The following NCOR1 variants were observed in gnomAD, a reference collection of about 807,000 sequenced individuals.
NCOR1 encodes the protein protein phosphatase 1, regulatory subunit 109.
Under a neutral mutation model 288.1 loss-of-function variants are expected in NCOR1, and 63 were observed. The observed-to-expected ratio is 0.22, with a 90% CI of 0.18 to 0.27. NCOR1 has a LOEUF of 0.27. Ranked by LOEUF, NCOR1 falls within the 10% of genes least tolerant of loss-of-function variation. The pLI, the probability that NCOR1 is intolerant of heterozygous loss-of-function variation, is 1.00. For synonymous variants in NCOR1, 1,007 were observed against 1,065.9 expected, an observed-to-expected ratio of 0.94 and a Z score of 1.08; for missense variants, 2,397 against 3,019.2, an observed-to-expected ratio of 0.79 and a Z score of 4.83.
intron 40 of NCOR1, among the ~76,000 whole-genome samples, chr17:16,055,006 T>C (rs751823202): frequency 2.0e-5 from 3 of 152,060 alleles, no homozygotes; most frequent in Non-Finnish European, 4.4e-5. Context: ...AGAATGGCTA[T>C]TAAAAAGTGA....
intron 44 of NCOR1, among the ~76,000 whole-genome samples, chr17:16,036,180 A>C (rs1172683757): frequency 6.6e-6 from 1 of 152,254 alleles, no homozygotes; most frequent in African/African-American, 2.4e-5. Context: ...GCATGAAAAC[A>C]ACATTCATCT....
At position 16,092,647 on chromosome 17, in the gene NCOR1, TTATATATATATATATA is replaced by T. The variant is rs10592611; in HGVS notation, c.2821-605_2821-590del. On this transcript the variant is annotated intron_variant, in intron 21 of 45. Coordinates refer to ENST00000268712, the MANE Select transcript of NCOR1 (RefSeq NM_006311.4). ...CTCTTTCACCAGGGATCAGATCCATTTATATATATATATATATATATATATATATATATATATATAT... is the reference window on the plus strand; with the variant it reads ...CTCTTTCACCAGGGATCAGATCCATTTATATATATATATATATATATATAT... 3.7e-4 allele frequency among the ~76,000 whole-genome samples: 12 copies of T among 32,132 alleles called. 1 individual carries two copies. Among genetic ancestry groups the T allele is most frequent in the Admixed American group, 5.9e-4 (1 of 1,684 alleles). The allele number at this position is 32,132 out of a possible 152,430, so 21.1% of individuals were successfully genotyped here. A position where few individuals can be genotyped will look rare whatever the true frequency, so the allele number is the denominator to read the frequency against.
intron 4 of NCOR1, among the ~76,000 whole-genome samples, chr17:16,170,663 T>C (rs2082966894): frequency 6.6e-6 from 1 of 151,758 alleles, no homozygotes. Flanking sequence ...GGTGAAACCC[T>C]GTCTCTACTA....
intron 19 of NCOR1, among the ~76,000 whole-genome samples, chr17:16,107,852 G>C (rs1290875293): frequency 6.6e-6 from 1 of 151,932 alleles, no homozygotes; most frequent in African/African-American, 2.4e-5. Flanking sequence ...TAAGGTTAGG[G>C]GTTGTTCAAA....
At chr17:16,169,681 C>A (rs1190387275) in intron 4 of NCOR1, among the ~76,000 whole-genome samples, 1 of 152,164 alleles carries the variant, frequency 6.6e-6, no homozygotes, top group African/African-American at 2.4e-5. Flanking sequence ...AGTTTCTCAA[C>A]TATAACATGG....
At chr17:16,037,149 C>T (rs2056561200) in intron 44 of NCOR1, among the ~76,000 whole-genome samples, 2 of 152,116 alleles carry the variant, frequency 1.3e-5, no homozygotes, top group African/African-American at 2.4e-5. Flanking sequence ...CAGGGAACAA[C>T]CAGTCAGTGG....
At chr17:16,175,645 TAGGGGGCCA>T (rs2084008280) in intron 3 of NCOR1, among the ~76,000 whole-genome samples, 1 of 152,034 alleles carries the variant, frequency 6.6e-6, no homozygotes, top group South Asian at 2.1e-4. Context: ...CCCATCACTT[TAGGGGGCCA>T]AGGCAGGAGG....
At chr17:16,190,366 G>A (rs577956299) in intron 2 of NCOR1, among the ~76,000 whole-genome samples, 75 of 151,134 alleles carry the variant, frequency 5.0e-4, no homozygotes, top group African/African-American at 1.7e-3. Context: ...GAGGAGTCTC[G>A]CTCTGTTGCC....
intron 1 of NCOR1, among the ~76,000 whole-genome samples, chr17:16,207,225 T>C (rs1446843963): frequency 6.6e-6 from 1 of 152,206 alleles, no homozygotes; most frequent in Non-Finnish European, 1.5e-5. Flanking sequence ...AAAGTCATGA[T>C]GATGACTACT....
intron 4 of NCOR1, among the ~76,000 whole-genome samples, chr17:16,167,030 ATGATACAT>A (rs1409478851): frequency 6.6e-6 from 1 of 152,230 alleles, no homozygotes; most frequent in African/African-American, 2.4e-5. Flanking sequence ...CAGGACTTTC[ATGATACAT>A]TAATATCATT....
intron 14 of NCOR1, among the ~76,000 whole-genome samples, chr17:16,127,691 A>G (rs1295957757): frequency 2.1e-5 from 3 of 144,430 alleles, no homozygotes; most frequent in African/African-American, 7.6e-5. Flanking sequence ...GTGTATATAT[A>G]CATATATGTA....
chr17:16,099,726 T>C (rs1374517461), intron 20 of NCOR1, among the ~76,000 whole-genome samples: 1 of 152,234 alleles, frequency 6.6e-6, no homozygotes, highest in Non-Finnish European at 1.5e-5. Context: ...CATTTATGTT[T>C]ACTGCAGTTA....
chr17:16,214,784 T>G (rs1471576954), intron 1 of NCOR1, among the ~76,000 whole-genome samples: 2 of 152,238 alleles, frequency 1.3e-5, no homozygotes, highest in Non-Finnish European at 2.9e-5. Flanking sequence ...GGACTTCGCT[T>G]AAGAAAACAC....
chr17:16,073,367 A>G (rs2061991845), intron 28 of NCOR1, 62 bp downstream of exon 28: 2 of 1,424,800 alleles, frequency 1.4e-6, no homozygotes, highest in Admixed American at 2.5e-5. Context: ...TTAATTCAAC[A>G]ATGCAAAATT....
intron 8 of NCOR1, among the ~76,000 whole-genome samples, chr17:16,151,436 G>A (rs1481979720): frequency 1.3e-5 from 2 of 152,140 alleles, no homozygotes; most frequent in Admixed American, 6.6e-5. Context: ...TACAAATACC[G>A]TCATTAGCAA....
rs765652153 is a variant in NCOR1 at position 16,098,503 on chromosome 17, T to C, written c.2691-7A>G. 5.6e-6 allele frequency: 9 copies of C among 1,597,776 alleles called. No homozygotes were observed. Among genetic ancestry groups the C allele is most frequent in the South Asian group, 2.3e-5 (2 of 87,540 alleles). On this transcript the variant is annotated splice_region_variant and splice_polypyrimidine_tract_variant and intron_variant, in intron 20 of 45. Transcript: ENST00000268712. Reference sequence around the variant, plus strand: ...TGAGTCCATAGGAAACATTCTGCAATTGCAATTTAAAAAAAAGATAAATGA... The same window carrying C: ...TGAGTCCATAGGAAACATTCTGCAACTGCAATTTAAAAAAAAGATAAATGA...
intron 1 of NCOR1, among the ~76,000 whole-genome samples, chr17:16,213,720 C>G (rs1281065660): frequency 6.6e-6 from 1 of 152,070 alleles, no homozygotes; most frequent in Admixed American, 6.6e-5. Flanking sequence ...CTCACAACAG[C>G]CAACCCTAGG....
intron 14 of NCOR1, among the ~76,000 whole-genome samples, chr17:16,127,792 T>C (rs1248763888): frequency 6.6e-6 from 1 of 151,564 alleles, no homozygotes; most frequent in Non-Finnish European, 1.5e-5. Flanking sequence ...CGGTACTATC[T>C]GTGGTTTCAA....
rs2152750222 is a variant in NCOR1 at position 16,073,471 on chromosome 17, C to T, written c.3769G>A (p.Gly1257Arg). 1.2e-6 allele frequency: 2 copies of T among 1,610,954 alleles called. No individual in the cohort carries two copies. The highest frequency in any genetic ancestry group is 8.5e-7 in the Non-Finnish European group (1 of 1,178,558). The change falls in exon 28 of 46, where the codon GGG (glycine) becomes AGG (arginine). Residue 1257 changes from glycine (G) to arginine (R), a missense_variant. Around this residue, in one of 11 missense-constraint regions of NCOR1, gnomAD observed 1,872 missense variants for 2,187.8 expected, o/e 0.86. Coordinates refer to ENST00000268712, the MANE Select transcript of NCOR1 (RefSeq NM_006311.4). ...YESVEGNIKQ[G>R]MSMRESPVSA... ...ACAGGAGACTCCCTCATTGACATCC[C>T]TTGCTTTATATTTCCTTCCACTGAT... is the stretch of plus-strand genomic sequence containing the variant.
Sources: allele counts gnomAD v4.1 joint callset (sites outside exome capture counted in the v4.1 genomes callset), GRCh38; gene constraint gnomAD v4.1.1; regional missense constraint gnomAD v4.1.1; transcripts MANE v1.5; gene names NCBI Gene and HGNC (gene_info 2026-07-23, HGNC 2026-07-21).